ESRRG: variants seen among roughly 807,000 people sequenced by gnomAD.
ESRRG encodes estrogen related receptor gamma, also known as estrogen-related receptor gamma.
Under a neutral mutation model 44.0 loss-of-function variants are expected in ESRRG, and 13 were observed. That is an observed-to-expected ratio of 0.30 (90% CI 0.19 to 0.47). ESRRG has a LOEUF of 0.47. Ranked by LOEUF, ESRRG falls within the 20% of genes least tolerant of loss-of-function variation. The pLI, the probability that ESRRG is intolerant of heterozygous loss-of-function variation, is 1.00. For missense variants in ESRRG, 395 were observed against 580.6 expected, an observed-to-expected ratio of 0.68 and a Z score of 3.29; for synonymous variants, 215 against 214.6, an observed-to-expected ratio of 1.00 and a Z score of -0.02.
At chr1:216,962,915 T>C (rs1440276779) in intron 1 of ESRRG, among the ~76,000 whole-genome samples, 3 of 152,206 alleles carry the variant, frequency 2.0e-5, no homozygotes, top group African/African-American at 7.2e-5. Flanking sequence ...TATCAGTTCC[T>C]GTGTGCAGAG....
Position 216,530,439 on chromosome 1 carries a change from G to T in ESRRG, c.863-11018C>A, listed in dbSNP as rs545736737. Among the ~76,000 whole-genome samples the T allele has an allele frequency of 4.6e-5, 7 of 152,230 alleles. No homozygotes were observed. In the South Asian group the frequency reaches 1.5e-3, roughly 32 times the overall value. ...CACTGCCTATTCAAGTAAGGTGAAA[G>T]TTCAAAGTTTTTCCTAATACTGCTT... On this transcript the variant is annotated intron_variant, in intron 5 of 6. Transcript: ENST00000408911.
At chr1:217,050,654 T>G (rs1355686351) in intron 1 of ESRRG, among the ~76,000 whole-genome samples, 1 of 152,170 alleles carries the variant, frequency 6.6e-6, no homozygotes, top group Non-Finnish European at 1.5e-5. Flanking sequence ...ATGAGAAAGC[T>G]CGGGCCATCC....
intron 2 of ESRRG, among the ~76,000 whole-genome samples, chr1:216,852,788 A>C (rs925229810): frequency 3.3e-5 from 5 of 152,200 alleles, no homozygotes; most frequent in Non-Finnish European, 7.3e-5. Context: ...TTAGGTCTAG[A>C]GATAGGACTC....
At chr1:216,976,342 C>T (rs1009477062) in intron 1 of ESRRG, among the ~76,000 whole-genome samples, 1 of 150,050 alleles carries the variant, frequency 6.7e-6, no homozygotes, top group African/African-American at 2.4e-5. Flanking sequence ...ATGATTACTC[C>T]TCTTCCCTCA....
chr1:216,880,855 T>A (rs548749119), intron 2 of ESRRG, among the ~76,000 whole-genome samples: 3 of 152,312 alleles, frequency 2.0e-5, no homozygotes, highest in Admixed American at 1.3e-4. Flanking sequence ...AAATTGTAAC[T>A]ATTTTACAAA....
chr1:216,685,248 T>C (rs972796222), intron 1 of ESRRG, among the ~76,000 whole-genome samples: 9 of 146,326 alleles, frequency 6.2e-5, no homozygotes, highest in Non-Finnish European at 1.2e-4. Flanking sequence ...TGAGATTTTA[T>C]AAAAAAAAAA....
intron 3 of ESRRG, among the ~76,000 whole-genome samples, chr1:216,609,796 T>G (rs1226220553): frequency 5.9e-5 from 9 of 152,262 alleles, no homozygotes. Flanking sequence ...TTGTATATTC[T>G]GGCACTTCCT....
At chr1:217,040,211 G>C in intron 1 of ESRRG, among the ~76,000 whole-genome samples, 1 of 152,242 alleles carries the variant, frequency 6.6e-6, no homozygotes, top group East Asian at 1.9e-4. Flanking sequence ...TGCAAAATGG[G>C]TTATTTAGAC....
intron 2 of ESRRG, among the ~76,000 whole-genome samples, chr1:216,836,584 T>G (rs1411585941): frequency 6.6e-6 from 1 of 152,168 alleles, no homozygotes; most frequent in African/African-American, 2.4e-5. Flanking sequence ...GTGATCTCTC[T>G]CTTCTTCCCT....
chr1:216,947,662 C>T (rs1201129598), intron 1 of ESRRG, among the ~76,000 whole-genome samples: 5 of 152,194 alleles, frequency 3.3e-5, no homozygotes, highest in African/African-American at 9.6e-5. Context: ...CAGCACATCA[C>T]TGAAAAGCGT....
At chr1:216,619,664 G>A (rs2061917480) in intron 3 of ESRRG, among the ~76,000 whole-genome samples, 1 of 152,112 alleles carries the variant, frequency 6.6e-6, no homozygotes, top group Non-Finnish European at 1.5e-5. Flanking sequence ...TCCTTTTCCT[G>A]AAGCCTGCTT....
chr1:216,947,645 A>G (rs1044499380), intron 1 of ESRRG, among the ~76,000 whole-genome samples: 6 of 152,202 alleles, frequency 3.9e-5, no homozygotes, highest in Non-Finnish European at 8.8e-5. Context: ...TGGAAGAGCC[A>G]GTTTACCAGC....
At chr1:216,574,712 T>TA (rs1329348821) in intron 3 of ESRRG, among the ~76,000 whole-genome samples, 3 of 152,102 alleles carry the variant, frequency 2.0e-5, no homozygotes, top group Non-Finnish European at 2.9e-5. Context: ...AAAGTAATAA[T>TA]AATTTTGAAA....
At chr1:216,768,594 A>G (rs2093226664) in intron 2 of ESRRG, among the ~76,000 whole-genome samples, 1 of 151,894 alleles carries the variant, frequency 6.6e-6, no homozygotes, top group Non-Finnish European at 1.5e-5. Flanking sequence ...GTCTTAAGTG[A>G]CCCTCTTGCC....
chr1:217,094,911 C>A (rs922463506), intron 1 of ESRRG, among the ~76,000 whole-genome samples: 3 of 152,176 alleles, frequency 2.0e-5, no homozygotes, highest in South Asian at 2.1e-4. Flanking sequence ...GTATATCAAG[C>A]CTCTGACATG....
intron 1 of ESRRG, among the ~76,000 whole-genome samples, chr1:217,043,936 A>G (rs1041619038): frequency 1.3e-5 from 2 of 152,112 alleles, no homozygotes; most frequent in African/African-American, 2.4e-5. Flanking sequence ...AAAAGAAAAA[A>G]AAAACTGCCA....
At chr1:216,940,206 A>G (rs2064995200) in intron 1 of ESRRG, among the ~76,000 whole-genome samples, 1 of 152,158 alleles carries the variant, frequency 6.6e-6, no homozygotes, top group Non-Finnish European at 1.5e-5. Flanking sequence ...GAAAAACTTG[A>G]AGCTTCTATT....
At chr1:216,571,682 A>C (rs947744013) in intron 3 of ESRRG, among the ~76,000 whole-genome samples, 2 of 151,984 alleles carry the variant, frequency 1.3e-5, no homozygotes, top group Non-Finnish European at 2.9e-5. Flanking sequence ...CATCCTTCCC[A>C]TCTATCCATT....
At chr1:216,637,145 C>CG (rs1558951256) in intron 3 of ESRRG, among the ~76,000 whole-genome samples, 3 of 152,104 alleles carry the variant, frequency 2.0e-5, no homozygotes, top group African/African-American at 7.2e-5. Flanking sequence ...GACAGCCTCT[C>CG]GGGGACAGAC....
Sources: allele counts gnomAD v4.1 joint callset (sites outside exome capture counted in the v4.1 genomes callset), GRCh38; gene constraint gnomAD v4.1.1; transcripts MANE v1.5; gene names NCBI Gene and HGNC (gene_info 2026-07-23, HGNC 2026-07-21).